RAP1GAP2: variants seen among roughly 807,000 people sequenced by gnomAD.
RAP1GAP2 encodes the protein RAP1 GTPase activating protein 2.
Under a neutral mutation model 95.0 loss-of-function variants are expected in RAP1GAP2, and 27 were observed. The ratio of observed to expected loss-of-function variants is 0.28; its 90% confidence interval spans 0.21 to 0.39. The LOEUF (loss-of-function observed/expected upper bound fraction) is 0.39. Ranked by LOEUF, RAP1GAP2 falls within the 10% of genes least tolerant of loss-of-function variation. The probability of loss-of-function intolerance (pLI) is 1.00; values close to 1 mark genes in which losing one functional copy is unlikely to be tolerated. For missense variants in RAP1GAP2, 771 were observed against 970.0 expected, an observed-to-expected ratio of 0.79 and a Z score of 2.72; for synonymous variants, 373 against 380.9, an observed-to-expected ratio of 0.98 and a Z score of 0.24.
chr17:2,767,737 CT>C (rs35038540), intron 1 of RAP1GAP2, among the ~76,000 whole-genome samples: 12,988 of 142,010 alleles, frequency 0.091, 658 homozygotes, highest in East Asian at 0.23. Flanking sequence ...TTTATTATAG[CT>C]TTTTTTTTTT....
rs2044440599 is a variant in RAP1GAP2 at position 2,963,549 on chromosome 17, G to GC, written c.279+93dup. 1.9e-6 allele frequency: 3 copies of GC among 1,554,006 alleles called. No individual in the cohort carries two copies. The highest frequency in any genetic ancestry group is 1.1e-5 in the South Asian group (1 of 89,676). On this transcript the variant is annotated intron_variant, in intron 6 of 24. Coordinates refer to ENST00000254695, the MANE Select transcript of RAP1GAP2 (RefSeq NM_015085.5). This position sits in a 1 kb window ranked among gnomAD's most constrained non-coding sequence, Gnocchi z 4.8. The stretch of plus-strand genomic sequence containing the variant: ...AAATGATGGCGATGGCCTGTGCCCA[G>GC]CCCCCCAGGGGAGAGAACCTTGGGC...
At chr17:2,895,638 G>A (rs948714325) in intron 2 of RAP1GAP2, among the ~76,000 whole-genome samples, 5 of 151,592 alleles carry the variant, frequency 3.3e-5, no homozygotes, top group Admixed American at 6.6e-5. Flanking sequence ...GTGCAGTGGC[G>A]CGATCTCGGC....
At chr17:2,820,791 G>A (rs536736212) in intron 2 of RAP1GAP2, among the ~76,000 whole-genome samples, 9 of 150,978 alleles carry the variant, frequency 6.0e-5, no homozygotes, top group African/African-American at 1.9e-4. Context: ...GCATGATCTC[G>A]GCTCACTAAA....
intron 3 of RAP1GAP2, among the ~76,000 whole-genome samples, chr17:2,957,096 C>A (rs2044142084): frequency 6.6e-6 from 1 of 151,006 alleles, no homozygotes; most frequent in African/African-American, 2.4e-5. Flanking sequence ...CCACTGCACT[C>A]CAGCCTGGGT....
In RAP1GAP2 at chr17:2,827,486, G is replaced by A. The variant is rs2151535282; in HGVS notation, c.80+26936G>A. Among the ~76,000 whole-genome samples, 1 of 152,226 alleles carries A rather than the reference G, an allele frequency of 6.6e-6. No homozygotes were observed. The highest frequency in any genetic ancestry group is 1.9e-4 in the East Asian group (1 of 5,168). On this transcript the variant is annotated intron_variant, in intron 2 of 24. Coordinates refer to ENST00000254695, the MANE Select transcript of RAP1GAP2 (RefSeq NM_015085.5). The surrounding 1 kb of genome is among the most constrained non-coding windows in gnomAD (Gnocchi z 4.1). ...GCTGGGGGAAGGGGCTACCCTGGGT[G>A]GGTGGTCAGGAAGAGCCTCTCCATA...
At chr17:2,971,335 A>G (rs1359317562) in intron 8 of RAP1GAP2, among the ~76,000 whole-genome samples, 2 of 152,252 alleles carry the variant, frequency 1.3e-5, no homozygotes, top group Non-Finnish European at 2.9e-5. Context: ...GTTACAGAAT[A>G]TTTATAAAGT....
intron 2 of RAP1GAP2, among the ~76,000 whole-genome samples, chr17:2,874,492 A>C (rs565721270): frequency 2.8e-5 from 4 of 144,100 alleles, no homozygotes; most frequent in African/African-American, 1.2e-4. Flanking sequence ...ATCTACAAAG[A>C]GCATTTCTGG....
intron 2 of RAP1GAP2, among the ~76,000 whole-genome samples, chr17:2,861,477 CTT>C (rs560177617): frequency 9.8e-5 from 13 of 132,450 alleles, no homozygotes; most frequent in Non-Finnish European, 9.8e-5. Flanking sequence ...TCTCTGGGGT[CTT>C]TTTTTTTTTT....
At chr17:2,939,702 G>C (rs1256802922) in intron 3 of RAP1GAP2, among the ~76,000 whole-genome samples, 2 of 152,214 alleles carry the variant, frequency 1.3e-5, no homozygotes, top group African/African-American at 4.8e-5. Context: ...GATGGAGGGG[G>C]GAGGCTTCTC....
chr17:2,989,315 C>T (rs1341437407), intron 11 of RAP1GAP2, among the ~76,000 whole-genome samples: 2 of 151,952 alleles, frequency 1.3e-5, no homozygotes, highest in African/African-American at 2.4e-5. Context: ...ATCTGTATAT[C>T]CTCTTAGGGG....
intron 10 of RAP1GAP2, among the ~76,000 whole-genome samples, chr17:2,984,171 A>G (rs1169008376): frequency 3.9e-5 from 6 of 152,162 alleles, no homozygotes; most frequent in Non-Finnish European, 8.8e-5. Flanking sequence ...CAACATGGTG[A>G]AACCCCGTCT....
intron 3 of RAP1GAP2, among the ~76,000 whole-genome samples, chr17:2,935,611 T>G (rs922576496): frequency 1.3e-5 from 2 of 151,916 alleles, no homozygotes; most frequent in African/African-American, 2.4e-5. Flanking sequence ...ATCCTGAAAT[T>G]AATTCTATAA....
intron 2 of RAP1GAP2, among the ~76,000 whole-genome samples, chr17:2,894,938 A>C (rs1597541071): frequency 2.6e-5 from 4 of 152,174 alleles, no homozygotes; most frequent in African/African-American, 9.6e-5. Context: ...AAAGCTCTGC[A>C]GGTCATGGGC....
chr17:2,876,886 C>CTTTTTTT (rs34517318), intron 2 of RAP1GAP2, among the ~76,000 whole-genome samples: 4 of 127,512 alleles, frequency 3.1e-5, no homozygotes, highest in Admixed American at 8.1e-5. Flanking sequence ...GGTTTACGTT[C>CTTTTTTT]TTTTTTTTTT....
intron 17 of RAP1GAP2, among the ~76,000 whole-genome samples, chr17:3,014,545 ATT>A (rs10542901): frequency 1.1e-3 from 119 of 105,090 alleles, no homozygotes; most frequent in African/African-American, 3.2e-3. Flanking sequence ...AAAGATGCTG[ATT>A]TTTTTTTTTT....
At chr17:2,958,341 A>T (rs1339434264) in intron 4 of RAP1GAP2, among the ~76,000 whole-genome samples, 3 of 152,136 alleles carry the variant, frequency 2.0e-5, no homozygotes, top group Admixed American at 6.5e-5. Flanking sequence ...ACTACATAAA[A>T]GTTGGTGTGT....
chr17:2,904,563 T>C lies in RAP1GAP2; in HGVS notation c.81-721T>C, dbSNP rs1401517150. Among the ~76,000 whole-genome samples, 2 of 151,754 alleles carry C rather than the reference T, an allele frequency of 1.3e-5. No homozygotes were observed. The highest frequency in any genetic ancestry group is 4.2e-4 in the South Asian group (2 of 4,806). ...GTGTGTGTGTGTGTGTGTGTGTGTG[T>C]GTGTGTACGTGCAGAGGGGCTCAAG... On this transcript the variant is annotated intron_variant, in intron 2 of 24. Coordinates refer to ENST00000254695, the MANE Select transcript of RAP1GAP2 (RefSeq NM_015085.5). The surrounding 1 kb of genome is among the most constrained non-coding windows in gnomAD (Gnocchi z 4.7).
At chr17:2,980,443 A>G in intron 9 of RAP1GAP2, 78 bp downstream of exon 9, 1 of 1,424,112 alleles carries the variant, frequency 7.0e-7, no homozygotes, top group South Asian at 1.2e-5. Context: ...GTGCAGGTAT[A>G]TCCTGGGTAG....
chr17:2,841,148 T>C (rs1169565158), intron 2 of RAP1GAP2, among the ~76,000 whole-genome samples: 1 of 151,750 alleles, frequency 6.6e-6, no homozygotes, highest in Non-Finnish European at 1.5e-5. Flanking sequence ...AGAGCTAAAG[T>C]CTGTCTCAAA....
Sources: gnomAD v4.1 joint callset for allele counts (sites outside exome capture counted in the v4.1 genomes callset) on GRCh38, gnomAD v4.1.1 for gene constraint, Gnocchi (gnomAD v3.1) non-coding constraint, MANE v1.5 for transcripts, NCBI Gene and HGNC (gene_info 2026-07-23, HGNC 2026-07-21) for gene names.